Variants in ELF1 observed in about 807,000 individuals in gnomAD.
ELF1 encodes E74 like ETS transcription factor 1, also known as ETS-related transcription factor Elf-1.
A neutral mutation model predicts 59.9 loss-of-function variants in ELF1; 24 were observed. The ratio of observed to expected loss-of-function variants is 0.40; its 90% CI spans 0.29 to 0.56. The LOEUF is 0.56. ELF1 is among the 20% of genes least tolerant of loss of function. The pLI is 0.44. For synonymous variants in ELF1, 248 were observed against 266.2 expected (o/e 0.93, Z 0.67); for missense variants, 627 against 742.2 (o/e 0.84, Z 1.80).
In ELF1 at chr13:41,003,539, C is replaced by T. The variant is rs56823897; in HGVS notation, c.-229+15689G>A. 4.3e-3 allele frequency among the ~76,000 whole-genome samples: 657 copies of T among 152,180 alleles called. 36 individuals carry two copies. Among genetic ancestry groups the T allele is most frequent in the African/African-American group, 0.015 (632 of 41,500 alleles). ...AGAATGGCCAGATCTAAGCTAAAGTCCTATTTGTGAAAATTATTGCTCTGT... is the reference window on the plus strand; with the variant it reads ...AGAATGGCCAGATCTAAGCTAAAGTTCTATTTGTGAAAATTATTGCTCTGT... On this transcript the variant is annotated intron_variant, in intron 1 of 8. Coordinates refer to ENST00000239882, the MANE Select transcript of ELF1 (RefSeq NM_172373.4).
chr13:41,008,855 G>A (rs1048425933), intron 1 of ELF1, among the ~76,000 whole-genome samples: 1 of 151,972 alleles, frequency 6.6e-6, no homozygotes, highest in Non-Finnish European at 1.5e-5. Context: ...TCATGCAAAA[G>A]CAAATATGAG....
At chr13:41,056,294 A>C (rs906307565) in intron 1 of ELF1, among the ~76,000 whole-genome samples, 1 of 152,196 alleles carries the variant, frequency 6.6e-6, no homozygotes, top group African/African-American at 2.4e-5. Context: ...TCCTTAGTGT[A>C]ATGTTCTTGT....
intron 1 of ELF1, among the ~76,000 whole-genome samples, chr13:41,013,642 T>A (rs1197772603): frequency 1.3e-5 from 2 of 152,138 alleles, no homozygotes; most frequent in Non-Finnish European, 2.9e-5. Flanking sequence ...TTTCTCAAGA[T>A]ACTTATAAAT....
intron 1 of ELF1, among the ~76,000 whole-genome samples, chr13:41,051,934 CTTTTTT>C (rs757348738): frequency 3.1e-5 from 4 of 127,250 alleles, no homozygotes; most frequent in South Asian, 5.0e-4. Flanking sequence ...TTCTTTTTCT[CTTTTTT>C]TTTTTTTTTT....
chr13:41,032,420 G>A (rs940089004), intron 1 of ELF1, among the ~76,000 whole-genome samples: 1 of 151,850 alleles, frequency 6.6e-6, no homozygotes, highest in African/African-American at 2.4e-5. Flanking sequence ...GTTTTACCAT[G>A]TTGGCCAGGC....
intron 2 of ELF1, among the ~76,000 whole-genome samples, chr13:40,979,976 A>G (rs545828514): frequency 6.6e-6 from 1 of 152,270 alleles, no homozygotes; most frequent in Admixed American, 6.5e-5. Flanking sequence ...GCAAACAGGG[A>G]GGTAGAGCCC....
chr13:41,001,227 G>A (rs994424096), intron 1 of ELF1, among the ~76,000 whole-genome samples: 2 of 151,852 alleles, frequency 1.3e-5, no homozygotes, highest in African/African-American at 2.4e-5. Context: ...CACCTGCCTC[G>A]GCCTCCCAAA....
Position 40,932,407 on chromosome 13 carries a change from A to T in ELF1, c.*1018T>A, listed in dbSNP as rs1481357678. The T allele has an allele frequency of 1.3e-5, 2 of 150,866 alleles. No homozygotes were observed. Among genetic ancestry groups the T allele is most frequent in the African/African-American group, 4.9e-5 (2 of 40,936 alleles). 9.3% of individuals were successfully genotyped at this position (150,866 alleles called of 1,614,324 possible). A position where few individuals can be genotyped will look rare whatever the true frequency, so the allele number is the denominator to read the frequency against. ...TTATAACTGACTACTCAGCCAGATT[A>T]GCCCAAGGCTCAAGTTGCTTTCTTG... is the stretch of plus-strand genomic sequence containing the variant. On this transcript the variant is annotated 3_prime_UTR_variant, in exon 9 of 9. Coordinates refer to ENST00000239882, the MANE Select transcript of ELF1 (RefSeq NM_172373.4).
At chr13:41,037,104 A>G (rs1593406936) in intron 1 of ELF1, among the ~76,000 whole-genome samples, 2 of 151,598 alleles carry the variant, frequency 1.3e-5, no homozygotes, top group African/African-American at 4.9e-5. Context: ...AAAGTATAAT[A>G]AAATATATAT....
At chr13:40,959,915 A>C (rs1342742528) in intron 2 of ELF1, among the ~76,000 whole-genome samples, 1 of 152,202 alleles carries the variant, frequency 6.6e-6, no homozygotes, top group Non-Finnish European at 1.5e-5. Context: ...ATTAGCGGCA[A>C]ACCTCATTAA....
intron 2 of ELF1, among the ~76,000 whole-genome samples, chr13:40,969,456 G>A (rs1011267828): frequency 2.0e-5 from 3 of 152,136 alleles, no homozygotes; most frequent in African/African-American, 7.2e-5. Context: ...CTTGTAAAAT[G>A]GGGATAACAA....
At chr13:40,944,126 T>G (rs541124324) in intron 5 of ELF1, among the ~76,000 whole-genome samples, 1 of 152,348 alleles carries the variant, frequency 6.6e-6, no homozygotes, top group Admixed American at 6.5e-5. Flanking sequence ...GGTTAAACCA[T>G]AAACACACTT....
intron 5 of ELF1, among the ~76,000 whole-genome samples, chr13:40,945,128 A>G (rs1172367907): frequency 6.6e-6 from 1 of 152,226 alleles, no homozygotes; most frequent in Non-Finnish European, 1.5e-5. Context: ...ATTAGAAGCC[A>G]ACACTTCAGT....
At chr13:41,023,738 T>C (rs1875776682), upstream of ELF1, among the ~76,000 whole-genome samples, 1 of 152,180 alleles carries the variant, frequency 6.6e-6, no homozygotes, top group South Asian at 2.1e-4. Flanking sequence ...TAGGCAACAG[T>C]CTATGTATTT....
rs1870747909 is a variant in ELF1, at chr13:40,949,952, G to A, written c.383C>T (p.Pro128Leu). The change falls in exon 5 of 9, where the codon CCT (proline) becomes CTT (leucine). Residue 128 changes from proline to leucine, a missense_variant. This residue lies in a region of ELF1 where 232 missense variants were observed against 269.2 expected (regional missense o/e 0.86). Coordinates refer to ENST00000239882, the MANE Select transcript of ELF1 (RefSeq NM_172373.4). ...KRINNNIFSS[P>L]EDDMVVAPVT... is the part of the protein sequence containing the mutation. ...TGGGGCAACAACCATGTCATCTTCAGGTGAACTAAATATATTATTATCTAA... is the reference window on the plus strand; with the variant it reads ...TGGGGCAACAACCATGTCATCTTCAAGTGAACTAAATATATTATTATCTAA... 6.2e-7 allele frequency: 1 copy of A among 1,612,540 alleles called. No individual in the cohort carries two copies. Among genetic ancestry groups the A allele is most frequent in the Non-Finnish European group, 8.5e-7 (1 of 1,179,378 alleles).
chr13:41,018,846 T>C (rs1243099956), intron 1 of ELF1, among the ~76,000 whole-genome samples: 1 of 152,218 alleles, frequency 6.6e-6, no homozygotes, highest in Non-Finnish European at 1.5e-5. Flanking sequence ...CACACAGGAA[T>C]AATACGGTTT....
Position 40,982,166 on chromosome 13 carries a change from A to G in ELF1, c.-112T>C. The stretch of plus-strand genomic sequence containing the variant: ...AAAAAACCCTCAGCTCTGTCTGTGG[A>G]GTAATTGTATACCCAAGTTTTCTTT... On this transcript the variant is annotated 5_prime_UTR_variant, in exon 2 of 9. Coordinates refer to ENST00000239882, the MANE Select transcript of ELF1 (RefSeq NM_172373.4). The G allele has an allele frequency of 7.1e-7, 1 of 1,411,546 alleles. No homozygotes were observed. Among genetic ancestry groups the G allele is most frequent in the South Asian group, 1.7e-5 (1 of 58,562 alleles). 87.4% of individuals were successfully genotyped at this position (1,411,546 alleles called of 1,614,324 possible).
intron 1 of ELF1, chr13:40,982,916 T>G: frequency 6.1e-6 from 6 of 981,436 alleles, no homozygotes; most frequent in Non-Finnish European, 7.3e-6. Flanking sequence ...TATCCTTATC[T>G]CTAGTATAGG....
At chr13:40,991,437 T>C (rs1483433482) in intron 1 of ELF1, among the ~76,000 whole-genome samples, 2 of 152,194 alleles carry the variant, frequency 1.3e-5, no homozygotes, top group Non-Finnish European at 2.9e-5. Context: ...TTACTTTTAT[T>C]GTAAACATTT....
Sources: gnomAD v4.1 joint callset for allele counts (sites outside exome capture counted in the v4.1 genomes callset) on GRCh38, gnomAD v4.1.1 for gene constraint, gnomAD v4.1.1 regional missense constraint, MANE v1.5 for transcripts, NCBI Gene and HGNC (gene_info 2026-07-23, HGNC 2026-07-21) for gene names.